Variants in FBLN1 observed in about 807,000 individuals in gnomAD.
The protein encoded by FBLN1 is fibulin 1.
A neutral mutation model predicts 89.7 loss-of-function variants in FBLN1; 34 were observed. The observed-to-expected ratio is 0.38, with a 90% CI of 0.29 to 0.50. The LOEUF (loss-of-function observed/expected upper bound fraction) is 0.50. FBLN1 is among the 20% of genes least tolerant of loss of function. The pLI is 0.92. For synonymous variants in FBLN1, 393 were observed against 391.3 expected (o/e 1.00, Z -0.05); for missense variants, 777 against 988.1 (o/e 0.79, Z 2.86).
Position 45,590,797 on chromosome 22 carries a change from C to G in FBLN1, c.1973-9510C>G, listed in dbSNP as rs2089129881. 6.6e-6 allele frequency among the ~76,000 whole-genome samples: 1 copy of G among 152,004 alleles called. No homozygotes were observed. Among genetic ancestry groups the G allele is most frequent in the South Asian group, 2.1e-4 (1 of 4,812 alleles). On this transcript the variant is annotated intron_variant, in intron 16 of 16. Transcript: ENST00000327858. The surrounding 1 kb of genome is among the most constrained non-coding windows in gnomAD (Gnocchi z 4.1). ...AAGTTCCTGGCTTGGGGGTACCTGCCTGGAGAGTGAGGGGTAGGGGAGGAA... is the reference window on the plus strand; with the variant it reads ...AAGTTCCTGGCTTGGGGGTACCTGCGTGGAGAGTGAGGGGTAGGGGAGGAA...
chr22:45,503,502 T>A (rs1362802920), intron 1 of FBLN1: 1 of 153,168 alleles, frequency 6.5e-6, no homozygotes, highest in East Asian at 1.9e-4. Context: ...TAGGAGCTGT[T>A]GTACCCAGCT....
rs2089197164 is a variant in FBLN1 at position 45,597,504 on chromosome 22, G to A, written c.1973-2803G>A. 6.6e-6 allele frequency among the ~76,000 whole-genome samples: 1 copy of A among 152,118 alleles called. No individual in the cohort carries two copies. The highest frequency in any genetic ancestry group is 1.5e-5 in the Non-Finnish European group (1 of 68,020). On this transcript the variant is annotated intron_variant, in intron 16 of 16. Transcript: ENST00000327858. This position sits in a 1 kb window ranked among gnomAD's most constrained non-coding sequence, Gnocchi z 4.2. ...AGCGGGGGCACCATTGTTGGCCTCG[G>A]GCCTGGGGAGAGAAAAATATGACAT...
chr22:45,550,682 G>T lies in FBLN1; in HGVS notation c.1697+67G>T. Reference sequence around the variant, plus strand: ...GCCTTCCTGGTGACCCAGTTCCCGGGTGGGTGGGTTATCAGGCTGTGACCT... The same window carrying T: ...GCCTTCCTGGTGACCCAGTTCCCGGTTGGGTGGGTTATCAGGCTGTGACCT... On this transcript the variant is annotated intron_variant, in intron 14 of 16. Coordinates refer to ENST00000327858, the MANE Select transcript of FBLN1 (RefSeq NM_006486.3). This position sits in a 1 kb window ranked among gnomAD's most constrained non-coding sequence, Gnocchi z 8.4. 6.2e-7 allele frequency: 1 copy of T among 1,611,798 alleles called. No homozygotes were observed. Among genetic ancestry groups the T allele is most frequent in the Non-Finnish European group, 8.5e-7 (1 of 1,178,586 alleles).
chr22:45,520,634 T>C (rs1030424566), intron 2 of FBLN1, among the ~76,000 whole-genome samples: 3 of 152,312 alleles, frequency 2.0e-5, no homozygotes, highest in South Asian at 2.1e-4. Context: ...CTACTATTAA[T>C]ACTTAGTGAA....
chr22:45,546,304 G>A (rs552530232), intron 11 of FBLN1, among the ~76,000 whole-genome samples: 113 of 152,300 alleles, frequency 7.4e-4, no homozygotes, highest in Non-Finnish European at 1.4e-3. Flanking sequence ...TGCAACCTCT[G>A]CCTCCTTGTT....
At position 45,580,637 on chromosome 22, in the gene FBLN1, C is replaced by T. The variant is rs370129782; in HGVS notation, c.1972+3529C>T. On this transcript the variant is annotated intron_variant, in intron 16 of 16. Transcript: ENST00000327858. This position sits in a 1 kb window ranked among gnomAD's most constrained non-coding sequence, Gnocchi z 8.6. ...CTGGGGCCAGAGCGGGCCTGGAGCCCGGTCTTCCCCAGACACCACACCCGC... is the reference window on the plus strand; with the variant it reads ...CTGGGGCCAGAGCGGGCCTGGAGCCTGGTCTTCCCCAGACACCACACCCGC... Among the ~76,000 whole-genome samples the T allele has an allele frequency of 2.6e-5, 4 of 152,220 alleles. No homozygotes were observed. The highest frequency in any genetic ancestry group is 2.0e-4 in the Admixed American group (3 of 15,286).
chr22:45,557,101 C>T lies in FBLN1; in HGVS notation c.1697+6486C>T, dbSNP rs1438536032. Among the ~76,000 whole-genome samples, 1 of 152,172 alleles carries T rather than the reference C, an allele frequency of 6.6e-6. No individual in the cohort carries two copies. Among genetic ancestry groups the T allele is most frequent in the Non-Finnish European group, 1.5e-5 (1 of 68,042 alleles). On this transcript the variant is annotated intron_variant, in intron 14 of 16. Coordinates refer to ENST00000327858, the MANE Select transcript of FBLN1 (RefSeq NM_006486.3). This position sits in a 1 kb window ranked among gnomAD's most constrained non-coding sequence, Gnocchi z 4.9. ...CCATTCCACTATCCTATCAATCTAC[C>T]TGCTTCACGACGATGGGGAACATGG...
chr22:45,510,208 G>A (rs1324352765), intron 1 of FBLN1, among the ~76,000 whole-genome samples: 1 of 152,110 alleles, frequency 6.6e-6, no homozygotes, highest in Non-Finnish European at 1.5e-5. Context: ...TTAATGCCCC[G>A]GATTTTGGAA....
Position 45,508,320 on chromosome 22 carries a change from G to A in FBLN1, c.79+5256G>A, listed in dbSNP as rs192928746. Among the ~76,000 whole-genome samples the A allele has an allele frequency of 3.7e-3, 468 of 127,534 alleles. 4 individuals carry two copies. Among genetic ancestry groups the A allele is most frequent in the African/African-American group, 0.013 (445 of 33,604 alleles). The allele number at this position is 127,534 out of a possible 152,430, so 83.7% of individuals were successfully genotyped here. ...TGAGACGGAGTCTTGCACTGTCTGG[G>A]GTGTGATCTTGGCTCACTGCAACCT... On this transcript the variant is annotated intron_variant, in intron 1 of 16. Transcript: ENST00000327858.
Position 45,545,355 on chromosome 22 carries a change from C to T in FBLN1, c.1322-1730C>T, listed in dbSNP as rs190642536. 3.9e-4 allele frequency among the ~76,000 whole-genome samples: 59 copies of T among 152,246 alleles called. No homozygotes were observed. Among genetic ancestry groups the T allele is most frequent in the Admixed American group, 3.6e-3 (55 of 15,290 alleles). On this transcript the variant is annotated intron_variant, in intron 11 of 16. Transcript: ENST00000327858. The surrounding 1 kb of genome is among the most constrained non-coding windows in gnomAD (Gnocchi z 5.9). ...CCCATAGGGGGTTGTGAGGATGAAACGAGATTAAGCATGTGAAGAGCTTAT... is the reference window on the plus strand; with the variant it reads ...CCCATAGGGGGTTGTGAGGATGAAATGAGATTAAGCATGTGAAGAGCTTAT...
chr22:45,557,376 A>G lies in FBLN1; in HGVS notation c.1697+6761A>G, dbSNP rs564985951. Among the ~76,000 whole-genome samples the G allele has an allele frequency of 4.6e-5, 7 of 152,108 alleles. No homozygotes were observed. Among genetic ancestry groups the G allele is most frequent in the Non-Finnish European group, 7.4e-5 (5 of 68,012 alleles). On this transcript the variant is annotated intron_variant, in intron 14 of 16. Transcript: ENST00000327858. This position sits in a 1 kb window ranked among gnomAD's most constrained non-coding sequence, Gnocchi z 4.9. ...TGATGGAAGAGGTCCAGTATAATCA[A>G]CCTGCCACCAGGTAGCTGGCTGATC... is the stretch of plus-strand genomic sequence containing the variant.
At chr22:45,512,563 A>G (rs1050570168) in intron 1 of FBLN1, among the ~76,000 whole-genome samples, 6 of 152,096 alleles carry the variant, frequency 3.9e-5, no homozygotes, top group African/African-American at 1.2e-4. Context: ...GTGATGGGGC[A>G]GCGAAGCTCA....
intron 8 of FBLN1, among the ~76,000 whole-genome samples, chr22:45,540,233 TCA>T (rs1400301632): frequency 6.6e-6 from 1 of 152,188 alleles, no homozygotes; most frequent in Non-Finnish European, 1.5e-5. Flanking sequence ...CCAGAGTCAT[TCA>T]GTCTCCGGAC....
rs1355093141 is a variant in FBLN1 at position 45,580,056 on chromosome 22, C to CG, written c.1972+2951dup. On this transcript the variant is annotated intron_variant, in intron 16 of 16. Coordinates refer to ENST00000327858, the MANE Select transcript of FBLN1 (RefSeq NM_006486.3). The surrounding 1 kb of genome is among the most constrained non-coding windows in gnomAD (Gnocchi z 8.6). ...CAGTCCTCACAGACACTGCCAGCGACGGGTCATGATTGTCTCCCTTGGGCA... is the reference window on the plus strand; with the variant it reads ...CAGTCCTCACAGACACTGCCAGCGACGGGGTCATGATTGTCTCCCTTGGGCA... Among the ~76,000 whole-genome samples the CG allele has an allele frequency of 1.3e-5, 2 of 152,106 alleles. No individual in the cohort carries two copies. Among genetic ancestry groups the CG allele is most frequent in the Non-Finnish European group, 2.9e-5 (2 of 68,014 alleles).
chr22:45,598,467 G>A (rs1287451251), intron 16 of FBLN1, among the ~76,000 whole-genome samples: 1 of 152,142 alleles, frequency 6.6e-6, no homozygotes, highest in Non-Finnish European at 1.5e-5. Context: ...AGCACCCATA[G>A]GTCTGTGCCT....
intron 11 of FBLN1, among the ~76,000 whole-genome samples, chr22:45,546,842 A>G: frequency 6.6e-6 from 1 of 152,174 alleles, no homozygotes; most frequent in East Asian, 1.9e-4. Context: ...CCAAGGCTGG[A>G]GGCGATCGCT....
chr22:45,506,143 G>A (rs370684328), intron 1 of FBLN1, among the ~76,000 whole-genome samples: 4 of 152,220 alleles, frequency 2.6e-5, no homozygotes, highest in East Asian at 1.9e-4. Context: ...AGGAGCCTTC[G>A]CAGCCCTTGG....
rs1350335831 is a variant in FBLN1, at chr22:45,508,286, C to CTTTTTTTTTTTTTTTT, written c.79+5231_79+5232insTTTTTTTTTTTTTTTT. On this transcript the variant is annotated intron_variant, in intron 1 of 16. Coordinates refer to ENST00000327858, the MANE Select transcript of FBLN1 (RefSeq NM_006486.3). The stretch of plus-strand genomic sequence containing the variant: ...CAGCACACTGGACAGCCTCGCGTAT[C>CTTTTTTTTTTTTTTTT]TTTTTTTTTGAGACGGAGTCTTGCA... Among the ~76,000 whole-genome samples, 550 of 128,954 alleles carry CTTTTTTTTTTTTTTTT rather than the reference C, an allele frequency of 4.3e-3. 25 individuals are homozygous for CTTTTTTTTTTTTTTTT. The highest frequency in any genetic ancestry group is 0.024 in the Middle Eastern group (5 of 208). 84.6% of individuals were successfully genotyped at this position (128,954 alleles called of 152,430 possible). A position where few individuals can be genotyped will look rare whatever the true frequency, so the allele number is the denominator to read the frequency against.
chr22:45,506,691 G>C (rs948139756), intron 1 of FBLN1, among the ~76,000 whole-genome samples: 2 of 152,244 alleles, frequency 1.3e-5, no homozygotes, highest in Middle Eastern at 3.4e-3. Context: ...AGACTTCCAG[G>C]GAAACCCCCT....
Sources: allele counts gnomAD v4.1 joint callset (sites outside exome capture counted in the v4.1 genomes callset), GRCh38; gene constraint gnomAD v4.1.1; non-coding constraint Gnocchi (gnomAD v3.1); transcripts MANE v1.5; gene names NCBI Gene and HGNC (gene_info 2026-07-23, HGNC 2026-07-21).